The following NBAS variants were observed in gnomAD, a reference collection of about 807,000 sequenced individuals.
NBAS encodes NAG/BC035112 fusion.
A neutral mutation model predicts 302.5 loss-of-function variants in NBAS; 219 were observed. That is an observed-to-expected ratio of 0.72 (90% CI 0.65 to 0.81). NBAS has a LOEUF of 0.81. Ranked by LOEUF, NBAS falls within the 30% of genes least tolerant of loss-of-function variation. The pLI, the probability that NBAS is intolerant of heterozygous loss-of-function variation, is 0.00. For missense variants in NBAS, 2,932 were observed against 2,841.6 expected, an observed-to-expected ratio of 1.03 and a Z score of -0.72; for synonymous variants, 1,118 against 1,021.6, an observed-to-expected ratio of 1.09 and a Z score of -1.80.
chr2:15,417,161 C>G (rs1676983161), intron 24 of NBAS, among the ~76,000 whole-genome samples: 1 of 152,188 alleles, frequency 6.6e-6, no homozygotes, highest in Non-Finnish European at 1.5e-5. Context: ...ACCCGGTCCT[C>G]TTAACCCTGA....
the NBAS span, among the ~76,000 whole-genome samples, chr2:15,100,274 A>AG: frequency 6.6e-6 from 1 of 152,348 alleles, no homozygotes; most frequent in South Asian, 2.1e-4. Context: ...CTATAATAGT[A>AG]ACTGTTCTAC....
intron 5 of NBAS, among the ~76,000 whole-genome samples, chr2:15,552,156 A>C (rs970607576): frequency 6.6e-6 from 1 of 152,204 alleles, no homozygotes; most frequent in Non-Finnish European, 1.5e-5. Flanking sequence ...GTAGCATTTG[A>C]CCTAACAATT....
the NBAS span, among the ~76,000 whole-genome samples, chr2:14,888,206 C>T: frequency 3.3e-5 from 5 of 152,324 alleles, no homozygotes; most frequent in South Asian, 2.1e-4. Flanking sequence ...TCCCAGCTCA[C>T]GGCAACCTCC....
intron 12 of NBAS, among the ~76,000 whole-genome samples, chr2:15,482,427 AT>A (rs1266174576): frequency 6.6e-6 from 1 of 152,172 alleles, no homozygotes; most frequent in Non-Finnish European, 1.5e-5. Flanking sequence ...CAGAGCCTTC[AT>A]TTCTGAAGGT....
At chr2:15,396,203 G>T (rs80120893) in intron 27 of NBAS, among the ~76,000 whole-genome samples, 1 of 152,114 alleles carries the variant, frequency 6.6e-6, no homozygotes, top group African/African-American at 2.4e-5. Flanking sequence ...AAATTTGAAC[G>T]TAGGTTTTCA....
chr2:14,996,580 C>T, the NBAS span, among the ~76,000 whole-genome samples: 1 of 152,150 alleles, frequency 6.6e-6, no homozygotes, highest in Non-Finnish European at 1.5e-5. Context: ...TCTGGGCTGT[C>T]GGAAGATATT....
intron 6 of NBAS, among the ~76,000 whole-genome samples, chr2:15,545,012 C>CAA (rs61193434): frequency 3.1e-4 from 45 of 147,116 alleles, no homozygotes; most frequent in African/African-American, 4.6e-4. Context: ...CTCTGGCTGG[C>CAA]AAAAAAAAAA....
rs542286025 is a variant in NBAS, at chr2:15,382,098, A to C, written c.3360+1117T>G. Among the ~76,000 whole-genome samples the C allele has an allele frequency of 9.1e-3, 830 of 91,622 alleles. 4 individuals are homozygous for C. Among genetic ancestry groups the C allele is most frequent in the Non-Finnish European group, 0.014 (540 of 37,598 alleles). The allele number at this position is 91,622 out of a possible 152,430, so 60.1% of individuals were successfully genotyped here. ...GAGTTAGGTCATTTTTTCCACACAA[A>C]CGGAAATATATATATATTGGTAAAC... is the stretch of plus-strand genomic sequence containing the variant. On this transcript the variant is annotated intron_variant, in intron 29 of 51. Transcript: ENST00000281513.
intron 44 of NBAS, among the ~76,000 whole-genome samples, chr2:15,263,175 C>G (rs1161863770): frequency 1.3e-5 from 2 of 152,166 alleles, no homozygotes; most frequent in African/African-American, 4.8e-5. Context: ...GGGTCTCACT[C>G]TGTTGCTCAG....
At chr2:15,097,016 GCAGA>G in the NBAS span, among the ~76,000 whole-genome samples, 3 of 152,198 alleles carry the variant, frequency 2.0e-5, no homozygotes, top group South Asian at 2.1e-4. Context: ...AATGTGGTGG[GCAGA>G]CAGAGAAGAG....
chr2:15,530,298 T>C (rs1234339588), intron 9 of NBAS, among the ~76,000 whole-genome samples: 3 of 151,964 alleles, frequency 2.0e-5, no homozygotes, highest in Non-Finnish European at 4.4e-5. Flanking sequence ...TCATTTCAAC[T>C]CCCTTTTCTC....
chr2:15,540,415 TACTA>T (rs1331749560), intron 6 of NBAS, among the ~76,000 whole-genome samples: 1 of 151,990 alleles, frequency 6.6e-6, no homozygotes, highest in East Asian at 1.9e-4. Flanking sequence ...CTGCTTGGCC[TACTA>T]ACAGGTCTTC....
At chr2:15,321,621 G>T (rs1349031897) in intron 38 of NBAS, among the ~76,000 whole-genome samples, 1 of 152,174 alleles carries the variant, frequency 6.6e-6, no homozygotes, top group African/African-American at 2.4e-5. Flanking sequence ...CATCTATGCA[G>T]CCAACAGACA....
rs1412996044 is a variant in NBAS at position 15,461,186 on chromosome 2, A to T, written c.2339+15T>A. 1 of 1,611,196 alleles carries T rather than the reference A, an allele frequency of 6.2e-7. No homozygotes were observed. The highest frequency in any genetic ancestry group is 8.5e-7 in the Non-Finnish European group (1 of 1,177,628). On this transcript the variant is annotated intron_variant, in intron 21 of 51. Coordinates refer to ENST00000281513, the MANE Select transcript of NBAS (RefSeq NM_015909.4). Reference sequence around the variant, plus strand: ...ATAAAAAAGAAGGTAAAATTCTGTTAACATAGTCACATACCAAGCTTCGGG... The same window carrying T: ...ATAAAAAAGAAGGTAAAATTCTGTTTACATAGTCACATACCAAGCTTCGGG...
chr2:15,291,964 A>C (rs1039621668), intron 41 of NBAS, among the ~76,000 whole-genome samples: 2 of 152,176 alleles, frequency 1.3e-5, no homozygotes, highest in Non-Finnish European at 1.5e-5. Flanking sequence ...AAATAAGCTT[A>C]AAAAATCATT....
chr2:15,297,411 T>C (rs1192457435), intron 40 of NBAS, among the ~76,000 whole-genome samples: 1 of 152,156 alleles, frequency 6.6e-6, no homozygotes, highest in Non-Finnish European at 1.5e-5. Flanking sequence ...GTAATCCCCA[T>C]GTGCTGAAAA....
intron 9 of NBAS, among the ~76,000 whole-genome samples, chr2:15,511,774 C>T (rs1337322618): frequency 6.6e-6 from 1 of 152,172 alleles, no homozygotes; most frequent in Non-Finnish European, 1.5e-5. Context: ...CCAGGAGAGA[C>T]TGAATGGGAA....
intron 45 of NBAS, among the ~76,000 whole-genome samples, chr2:15,236,527 CAAAAAA>C (rs1167993098): frequency 1.4e-4 from 4 of 28,304 alleles, no homozygotes; most frequent in Non-Finnish European, 3.0e-4. Context: ...GACCCTGTCT[CAAAAAA>C]AAAAAAAAAA....
At chr2:14,904,846 G>A in the NBAS span, among the ~76,000 whole-genome samples, 2 of 152,150 alleles carry the variant, frequency 1.3e-5, no homozygotes, top group Admixed American at 6.5e-5. Context: ...TCAGGAGATC[G>A]AGACCATCCT....
Sources: allele counts gnomAD v4.1 joint callset (sites outside exome capture counted in the v4.1 genomes callset), GRCh38; gene constraint gnomAD v4.1.1; transcripts MANE v1.5; gene names NCBI Gene and HGNC (gene_info 2026-07-23, HGNC 2026-07-21).